Variants in FBLN2 observed in about 807,000 individuals in gnomAD.
FBLN2 encodes fibulin 2.
A neutral mutation model predicts 123.7 loss-of-function variants in FBLN2; 81 were observed. The observed-to-expected ratio is 0.65, with a 90% confidence interval of 0.55 to 0.79. The LOEUF (loss-of-function observed/expected upper bound fraction) is 0.79, where lower values mean the gene tolerates loss of function less well. FBLN2 is among the 30% of genes least tolerant of loss of function. The probability of loss-of-function intolerance (pLI) is 0.00; values close to 1 mark genes in which losing one functional copy is unlikely to be tolerated. For missense variants in FBLN2, 1,603 were observed against 1,681.3 expected (o/e 0.95, Z 0.81); for synonymous variants, 699 against 701.4 (o/e 1.00, Z 0.05).
At chr3:13,571,726 G>T in intron 2 of FBLN2, 65 bp downstream of exon 2, 6 of 1,458,556 alleles carry the variant, frequency 4.1e-6, no homozygotes, top group African/African-American at 1.4e-5. Flanking sequence ...GGCTCTGGCC[G>T]CTGCCCCAGG....
intron 16 of FBLN2, among the ~76,000 whole-genome samples, chr3:13,634,681 C>A (rs1360623079): frequency 6.6e-6 from 1 of 152,360 alleles, no homozygotes; most frequent in Non-Finnish European, 1.5e-5. Context: ...CACTTCTGCG[C>A]CACCCTGGGG....
chr3:13,629,769 G>GCCCT, intron 13 of FBLN2, 51 bp from the exon 14 acceptor site: 1 of 1,536,738 alleles, frequency 6.5e-7, no homozygotes, highest in Non-Finnish European at 8.8e-7. Flanking sequence ...GGGGTGGAGG[G>GCCCT]AGCTGGCTTT....
chr3:13,592,664 G>A (rs947580128), intron 2 of FBLN2, among the ~76,000 whole-genome samples: 2 of 152,124 alleles, frequency 1.3e-5, no homozygotes, highest in Non-Finnish European at 2.9e-5. Flanking sequence ...TCTTTTGGGA[G>A]TGTTTTGTCA....
At chr3:13,601,918 C>G (rs1037880630) in intron 2 of FBLN2, among the ~76,000 whole-genome samples, 1 of 152,212 alleles carries the variant, frequency 6.6e-6, no homozygotes, top group Admixed American at 6.5e-5. Context: ...TCCCCTCAGG[C>G]TCCTGAATAG....
chr3:13,621,700 C>T (rs1260298102), intron 8 of FBLN2, 75 bp from the exon 9 acceptor site: 4 of 1,539,326 alleles, frequency 2.6e-6, no homozygotes, highest in East Asian at 2.3e-5. Flanking sequence ...TCTCATTCTC[C>T]TGTCACTGGA....
At chr3:13,623,642 G>A (rs994341459) in intron 9 of FBLN2, among the ~76,000 whole-genome samples, 2 of 152,170 alleles carry the variant, frequency 1.3e-5, no homozygotes, top group African/African-American at 2.4e-5. Context: ...GGTGAGATGC[G>A]AGGCTTATGC....
chr3:13,557,138 C>T (rs1013137701), intron 1 of FBLN2, among the ~76,000 whole-genome samples: 2 of 152,234 alleles, frequency 1.3e-5, no homozygotes, highest in Non-Finnish European at 1.5e-5. Context: ...GGAAGAACAT[C>T]TGCCCTGGGC....
chr3:13,549,281 C>T lies in FBLN2; in HGVS notation c.-42+73C>T, dbSNP rs1459743240. 2.8e-5 allele frequency: 26 copies of T among 921,732 alleles called. 1 individual carries two copies. Among genetic ancestry groups the T allele is most frequent in the Non-Finnish European group, 3.1e-5 (24 of 772,768 alleles). 57.1% of individuals were successfully genotyped at this position (921,732 alleles called of 1,614,324 possible). On this transcript the variant is annotated intron_variant, in intron 1 of 17. Coordinates refer to ENST00000404922, the MANE Select transcript of FBLN2 (RefSeq NM_001004019.2). Reference sequence around the variant, plus strand: ...CGCCTCGCAGCTCAGGACTCGGGGGCGCTCGGACGCACCGACGGCTCGGCG... The same window carrying T: ...CGCCTCGCAGCTCAGGACTCGGGGGTGCTCGGACGCACCGACGGCTCGGCG...
intron 3 of FBLN2, 112 bp from the exon 4 acceptor site, chr3:13,609,401 G>T: frequency 8.0e-7 from 1 of 1,257,662 alleles, no homozygotes; most frequent in Non-Finnish European, 1.1e-6. Context: ...ACCTGCACCG[G>T]CTCCCTTGCT....
chr3:13,594,082 C>G (rs1332580291), intron 2 of FBLN2, among the ~76,000 whole-genome samples: 1 of 152,072 alleles, frequency 6.6e-6, no homozygotes, highest in Non-Finnish European at 1.5e-5. Flanking sequence ...CTGTGGTTGT[C>G]TCTTTAGATT....
chr3:13,561,997 G>A (rs930013009), intron 1 of FBLN2, among the ~76,000 whole-genome samples: 2 of 152,236 alleles, frequency 1.3e-5, no homozygotes, highest in Non-Finnish European at 2.9e-5. Context: ...ACAGTCCAGT[G>A]ATTGGCATTG....
At chr3:13,613,657 G>T (rs542608861) in intron 4 of FBLN2, among the ~76,000 whole-genome samples, 7 of 152,278 alleles carry the variant, frequency 4.6e-5, no homozygotes, top group Admixed American at 1.3e-4. Flanking sequence ...AACTGCAAAG[G>T]CCCCTGGGAA....
At position 13,603,636 on chromosome 3, in the gene FBLN2, T is replaced by C. The variant is rs558759372; in HGVS notation, c.1307-4426T>C. Among the ~76,000 whole-genome samples the C allele has an allele frequency of 1.4e-4, 22 of 152,290 alleles. No individual in the cohort carries two copies. In the South Asian group the frequency reaches 3.5e-3, roughly 24 times the overall value. On this transcript the variant is annotated intron_variant, in intron 2 of 17. Coordinates refer to ENST00000404922, the MANE Select transcript of FBLN2 (RefSeq NM_001004019.2). ...CACATTTTCTTAATCCAGTCTATCA[T>C]TGATGGACGTTTGGGTTGGTTCCAA... is the stretch of plus-strand genomic sequence containing the variant.
intron 1 of FBLN2, among the ~76,000 whole-genome samples, chr3:13,561,363 A>T (rs1703594875): frequency 6.6e-6 from 1 of 152,168 alleles, no homozygotes; most frequent in Non-Finnish European, 1.5e-5. Flanking sequence ...TGGGCCCCGG[A>T]TTCAGTGACT....
chr3:13,631,854 TG>T (rs1706269934), intron 16 of FBLN2, among the ~76,000 whole-genome samples: 2 of 152,184 alleles, frequency 1.3e-5, no homozygotes, highest in African/African-American at 2.4e-5. Context: ...GGCAGGTCTG[TG>T]GACCCAGAGA....
intron 2 of FBLN2, among the ~76,000 whole-genome samples, chr3:13,607,396 T>G (rs1240836452): frequency 6.6e-6 from 1 of 152,204 alleles, no homozygotes; most frequent in African/African-American, 2.4e-5. Context: ...CATAAAGGTC[T>G]TCATCCTCAC....
At chr3:13,574,414 G>A (rs113058411) in intron 2 of FBLN2, among the ~76,000 whole-genome samples, 5 of 152,326 alleles carry the variant, frequency 3.3e-5, no homozygotes, top group East Asian at 3.9e-4. Flanking sequence ...GGGAAAAGCC[G>A]CCCTCACGAA....
intron 1 of FBLN2, among the ~76,000 whole-genome samples, chr3:13,555,014 G>A (rs1490952987): frequency 1.3e-5 from 2 of 149,648 alleles, no homozygotes. Flanking sequence ...GTGCAGTGGT[G>A]CGATTCCGGC....
intron 1 of FBLN2, among the ~76,000 whole-genome samples, chr3:13,564,441 T>G (rs1703687105): frequency 6.6e-6 from 1 of 152,238 alleles, no homozygotes; most frequent in Admixed American, 6.5e-5. Flanking sequence ...AACCTGAGAC[T>G]TTGTTCTTAT....
Sources: gnomAD v4.1 joint callset for allele counts (sites outside exome capture counted in the v4.1 genomes callset) on GRCh38, gnomAD v4.1.1 for gene constraint, MANE v1.5 for transcripts, NCBI Gene and HGNC (gene_info 2026-07-23, HGNC 2026-07-21) for gene names.